AOPEP: variants seen among roughly 807,000 people sequenced by gnomAD.
The protein encoded by AOPEP is aminopeptidase O (putative), also known as aminopeptidase O.
A neutral mutation model predicts 98.1 loss-of-function variants in AOPEP; 77 were observed. The ratio of observed to expected loss-of-function variants is 0.78; its 90% CI spans 0.65 to 0.95. The LOEUF is 0.95. AOPEP is among the 40% of genes least tolerant of loss of function. AOPEP has a pLI of 0.00. For synonymous variants in AOPEP, 346 were observed against 365.3 expected, an observed-to-expected ratio of 0.95 and a Z score of 0.60; for missense variants, 1,024 against 1,024.7, an observed-to-expected ratio of 1.00 and a Z score of 0.01.
intron 5 of AOPEP, among the ~76,000 whole-genome samples, chr9:94,893,338 A>G (rs2049087478): frequency 6.6e-6 from 1 of 152,118 alleles, no homozygotes; most frequent in South Asian, 2.1e-4. Flanking sequence ...TGTAAGGCCC[A>G]TTGGATGGCA....
intron 13 of AOPEP, among the ~76,000 whole-genome samples, chr9:95,047,402 A>G (rs770490126): frequency 9.2e-5 from 14 of 152,226 alleles, no homozygotes; most frequent in South Asian, 4.1e-4. Context: ...TTGTCAAAGT[A>G]TAAGAAGGCT....
At chr9:94,770,518 C>T (rs1050108003) in intron 2 of AOPEP, among the ~76,000 whole-genome samples, 1 of 152,142 alleles carries the variant, frequency 6.6e-6, no homozygotes, top group Non-Finnish European at 1.5e-5. Flanking sequence ...GACTCACTCG[C>T]GTGGCTGTTG....
intron 13 of AOPEP, among the ~76,000 whole-genome samples, chr9:95,059,925 G>T (rs1023821021): frequency 5.3e-5 from 8 of 152,230 alleles, no homozygotes; most frequent in African/African-American, 1.9e-4. Flanking sequence ...CCCTGCTGTT[G>T]CATAGCGAGT....
rs536884586 is a variant in AOPEP, at chr9:95,053,528, A to G, written c.2116-7166A>G. 2.1e-4 allele frequency among the ~76,000 whole-genome samples: 32 copies of G among 152,310 alleles called. No homozygotes were observed. The East Asian group carries it at 6.2e-3, about 29-fold the overall frequency. On this transcript the variant is annotated intron_variant, in intron 13 of 16. Coordinates refer to ENST00000375315, the MANE Select transcript of AOPEP (RefSeq NM_001193329.3). The stretch of plus-strand genomic sequence containing the variant: ...AACCGTTTTTTTACAGTAAAGGTAT[A>G]CTCATATGCTGGGCCTTAGGGGGTT...
At chr9:95,145,134 A>C in the AOPEP span, 1 of 152,218 alleles carries the variant, frequency 6.6e-6, no homozygotes, top group Admixed American at 6.5e-5. Context: ...TATGTATCCT[A>C]ATTTTTAAGA....
intron 5 of AOPEP, among the ~76,000 whole-genome samples, chr9:94,802,983 G>C (rs887652934): frequency 6.6e-6 from 1 of 152,062 alleles, no homozygotes; most frequent in Admixed American, 6.5e-5. Context: ...AGCTGAGTGG[G>C]GTTTATGACT....
the AOPEP span, among the ~76,000 whole-genome samples, chr9:95,139,132 G>T: frequency 6.6e-6 from 1 of 152,184 alleles, no homozygotes; most frequent in Non-Finnish European, 1.5e-5. Context: ...TCTGAACCAG[G>T]CTGGCTTTAA....
intron 5 of AOPEP, among the ~76,000 whole-genome samples, chr9:94,830,881 C>T (rs1395647881): frequency 6.6e-6 from 1 of 152,122 alleles, no homozygotes; most frequent in Non-Finnish European, 1.5e-5. Context: ...GTCCTTCACC[C>T]ACTTTTTAAT....
intron 10 of AOPEP, among the ~76,000 whole-genome samples, chr9:94,969,021 G>C (rs1309247158): frequency 6.6e-6 from 1 of 152,178 alleles, no homozygotes; most frequent in Admixed American, 6.5e-5. Flanking sequence ...GAGAGGCTGA[G>C]TAAGCTGCCC....
intron 13 of AOPEP, among the ~76,000 whole-genome samples, chr9:95,051,120 C>T (rs1019780557): frequency 2.3e-5 from 3 of 129,350 alleles, no homozygotes; most frequent in Non-Finnish European, 1.6e-5. Context: ...GACGGAGTCT[C>T]GCTCTGTCGC....
At chr9:94,824,132 T>C (rs1853915147) in intron 5 of AOPEP, 1 of 152,204 alleles carries the variant, frequency 6.6e-6, no homozygotes, top group Non-Finnish European at 1.5e-5. Context: ...GTGACAGTTA[T>C]CCTCCAAATT....
the AOPEP span, among the ~76,000 whole-genome samples, chr9:95,137,846 G>T: frequency 6.6e-6 from 1 of 152,226 alleles, no homozygotes; most frequent in African/African-American, 2.4e-5. Flanking sequence ...AGATACAAAG[G>T]GGCGAATGAA....
intron 13 of AOPEP, among the ~76,000 whole-genome samples, chr9:95,056,845 G>T (rs541847103): frequency 6.6e-6 from 1 of 152,126 alleles, no homozygotes; most frequent in African/African-American, 2.4e-5. Context: ...GACTGACCTC[G>T]TTTAGCATTT....
intron 7 of AOPEP, chr9:94,934,531 T>G (rs1023723452): frequency 6.6e-6 from 1 of 152,126 alleles, no homozygotes; most frequent in Non-Finnish European, 1.5e-5. Flanking sequence ...CCTCATCTAA[T>G]TATCAAAACA....
At chr9:95,101,371 G>T in the AOPEP span, 1 of 414,972 alleles carries the variant, frequency 2.4e-6, no homozygotes, top group Non-Finnish European at 4.5e-6. Context: ...TAATAGATGT[G>T]CAGCTTGACT....
intron 13 of AOPEP, among the ~76,000 whole-genome samples, chr9:95,009,423 A>G (rs191297856): frequency 2.7e-4 from 41 of 152,330 alleles, no homozygotes; most frequent in Admixed American, 4.6e-4. Context: ...TTAGAGGAAG[A>G]AAATTTCAAT....
the AOPEP span, among the ~76,000 whole-genome samples, chr9:95,138,598 T>C: frequency 5.9e-5 from 9 of 152,180 alleles, no homozygotes; most frequent in African/African-American, 2.2e-4. Context: ...TCAGGATCCA[T>C]GTAACACGAA....
At chr9:94,817,755 T>C (rs1407308723) in intron 5 of AOPEP, among the ~76,000 whole-genome samples, 1 of 152,224 alleles carries the variant, frequency 6.6e-6, no homozygotes, top group Non-Finnish European at 1.5e-5. Flanking sequence ...AGATTTGGCA[T>C]TCCGGAGGGC....
chr9:94,788,146 A>C (rs557279582), intron 3 of AOPEP, among the ~76,000 whole-genome samples: 3 of 151,976 alleles, frequency 2.0e-5, no homozygotes, highest in South Asian at 4.2e-4. Flanking sequence ...TCACAGCTCT[A>C]CTGCAGCCTG....
Sources: gnomAD v4.1 joint callset for allele counts (sites outside exome capture counted in the v4.1 genomes callset) on GRCh38, gnomAD v4.1.1 for gene constraint, MANE v1.5 for transcripts, NCBI Gene and HGNC (gene_info 2026-07-23, HGNC 2026-07-21) for gene names.